Variants in ABL2 observed in about 807,000 individuals in gnomAD.
ABL2 encodes the protein ABL proto-oncogene 2, non-receptor tyrosine kinase, also known as tyrosine-protein kinase ABL2.
ABL2 carries 49 observed loss-of-function variants against 107.7 expected under a neutral mutation model. The ratio of observed to expected loss-of-function variants is 0.45; its 90% CI spans 0.36 to 0.58. The LOEUF (loss-of-function observed/expected upper bound fraction) is 0.58. Among genes scored for constraint, ABL2 ranks in the 20% least tolerant of loss-of-function variants. The pLI is 0.00. For synonymous variants in ABL2, 549 were observed against 548.6 expected (o/e 1.00, Z -0.01); for missense variants, 1,245 against 1,457.0 (o/e 0.85, Z 2.37).
chr1:179,136,098 C>A (rs996662529), intron 1 of ABL2, among the ~76,000 whole-genome samples: 1 of 150,872 alleles, frequency 6.6e-6, no homozygotes, highest in African/African-American at 2.4e-5. Context: ...GGGGGTCAGC[C>A]CCCCGTCCGG....
At chr1:179,215,179 G>T (rs1014408078) in intron 1 of ABL2, among the ~76,000 whole-genome samples, 5 of 151,758 alleles carry the variant, frequency 3.3e-5, no homozygotes, top group African/African-American at 1.2e-4. Context: ...AAAAATTGGG[G>T]AGAAAATTCA....
At chr1:179,171,170 C>T (rs1659694791) in intron 1 of ABL2, among the ~76,000 whole-genome samples, 1 of 152,216 alleles carries the variant, frequency 6.6e-6, no homozygotes, top group African/African-American at 2.4e-5. Flanking sequence ...GGCTGCAGTT[C>T]TGATATGACT....
intron 1 of ABL2, among the ~76,000 whole-genome samples, chr1:179,135,759 C>G (rs1656862476): frequency 6.9e-6 from 1 of 145,526 alleles, no homozygotes; most frequent in African/African-American, 2.5e-5. Context: ...GCCAGCTGCC[C>G]CGTCCGGGAG....
intron 6 of ABL2, among the ~76,000 whole-genome samples, chr1:179,119,741 C>G (rs939394533): frequency 3.9e-5 from 6 of 152,074 alleles, no homozygotes; most frequent in Admixed American, 1.3e-4. Context: ...TGTTTAATGT[C>G]TCTTTATTTT....
At position 179,099,904 on chromosome 1, in the gene ABL2, T is replaced by G. The variant is rs948975812; in HGVS notation, c.*7814A>C. The G allele has an allele frequency of 4.3e-6, 1 of 232,532 alleles. No individual in the cohort carries two copies. Among genetic ancestry groups the G allele is most frequent in the African/African-American group, 2.2e-5 (1 of 45,266 alleles). The allele number at this position is 232,532 out of a possible 1,614,324, so 14.4% of individuals were successfully genotyped here. ...TTCTGAGTATACATCAACAGCTAAG[T>G]CAGCCTGTTCACAGTCAACACACCA... On this transcript the variant is annotated 3_prime_UTR_variant, in exon 12 of 12. Transcript: ENST00000502732.
intron 1 of ABL2, among the ~76,000 whole-genome samples, chr1:179,171,310 T>C (rs1168994041): frequency 6.6e-6 from 1 of 152,198 alleles, no homozygotes; most frequent in Non-Finnish European, 1.5e-5. Flanking sequence ...TAGATACTAA[T>C]GGGAATACAA....
At chr1:179,122,782 T>C (rs1655350726) in intron 4 of ABL2, among the ~76,000 whole-genome samples, 1 of 152,078 alleles carries the variant, frequency 6.6e-6, no homozygotes, top group South Asian at 2.1e-4. Flanking sequence ...GCCTCCCAAG[T>C]ACCTGGGATT....
chr1:179,117,147 T>C, intron 8 of ABL2, 185 bp downstream of exon 8: 2 of 660,598 alleles, frequency 3.0e-6, no homozygotes, highest in Non-Finnish European at 2.5e-6. Context: ...TACTTCTGTT[T>C]ATGCAAAGTT....
chr1:179,190,106 C>T (rs1000039426), intron 1 of ABL2, among the ~76,000 whole-genome samples: 8 of 152,020 alleles, frequency 5.3e-5, no homozygotes, highest in Non-Finnish European at 2.9e-5. Flanking sequence ...CGTGAGCCAC[C>T]GGGCCCAGCC....
chr1:179,193,079 G>T (rs1661106460), intron 1 of ABL2, among the ~76,000 whole-genome samples: 1 of 151,696 alleles, frequency 6.6e-6, no homozygotes, highest in Non-Finnish European at 1.5e-5. Flanking sequence ...TGGTATGATG[G>T]AGAAAATTAT....
intron 1 of ABL2, among the ~76,000 whole-genome samples, chr1:179,164,151 C>G (rs766431292): frequency 1.3e-5 from 2 of 151,956 alleles, no homozygotes; most frequent in Non-Finnish European, 2.9e-5. Flanking sequence ...TTAAAATTCA[C>G]AGAACCGTAC....
intron 8 of ABL2, chr1:179,117,111 A>C: frequency 1.8e-6 from 1 of 553,974 alleles, no homozygotes; most frequent in Non-Finnish European, 3.2e-6. Flanking sequence ...CTGTAATTAC[A>C]AACGTGAGCC....
chr1:179,142,883 G>T, intron 1 of ABL2: 1 of 1,592,456 alleles, frequency 6.3e-7, no homozygotes, highest in South Asian at 1.1e-5. Flanking sequence ...ATTCACACTT[G>T]ATTAATGTGG....
chr1:179,183,038 A>C (rs1426271429), intron 1 of ABL2, among the ~76,000 whole-genome samples: 2 of 152,052 alleles, frequency 1.3e-5, no homozygotes, highest in East Asian at 3.9e-4. Flanking sequence ...TTTTTGAGAC[A>C]GTGTCTCACT....
At chr1:179,117,041 T>C in intron 8 of ABL2, 1 of 392,086 alleles carries the variant, frequency 2.6e-6, no homozygotes, top group South Asian at 2.4e-5. Flanking sequence ...GTTCACCATG[T>C]TGGCCAGGCT....
intron 1 of ABL2, among the ~76,000 whole-genome samples, chr1:179,198,842 CTTT>C (rs554794092): frequency 2.9e-5 from 4 of 137,268 alleles, no homozygotes; most frequent in Non-Finnish European, 1.6e-5. Flanking sequence ...CCAAATTATC[CTTT>C]TTTTTTTTTT....
chr1:179,100,718 A>G lies in ABL2; in HGVS notation c.*7000T>C, dbSNP rs1653025242. On this transcript the variant is annotated 3_prime_UTR_variant, in exon 12 of 12. Coordinates refer to ENST00000502732, the MANE Select transcript of ABL2 (RefSeq NM_007314.4). ...ACCCTGAAAATTTGCTGATGCGAGTACAGTGATGAACAAAGAACCTTCCAG... is the reference window on the plus strand; with the variant it reads ...ACCCTGAAAATTTGCTGATGCGAGTGCAGTGATGAACAAAGAACCTTCCAG... 4.3e-6 allele frequency: 1 copy of G among 230,056 alleles called. No individual in the cohort carries two copies. The highest frequency in any genetic ancestry group is 8.6e-6 in the Non-Finnish European group (1 of 116,098). The allele number at this position is 230,056 out of a possible 1,614,324, so 14.3% of individuals were successfully genotyped here.
intron 1 of ABL2, chr1:179,142,929 A>G (rs1303549907): frequency 3.7e-6 from 6 of 1,613,886 alleles, no homozygotes; most frequent in Non-Finnish European, 5.1e-6. Flanking sequence ...ACTCTGAACC[A>G]TACCTGTTAA....
rs1050321732 is a variant in ABL2 at position 179,229,264 on chromosome 1, C to G, written c.134G>C (p.Gly45Ala). The change falls in exon 1 of 12, where the codon GGC (glycine) becomes GCC (alanine). Residue 45 changes from glycine (G) to alanine (A), a missense_variant. Gly to Ala is a moderately conservative substitution (Grantham distance 60). This residue lies in a region of ABL2 where 164 missense variants were observed against 143.7 expected (regional missense o/e 1.14). Transcript: ENST00000502732. ...ACCATGCTGGGTGAAGATATTGAAG[C>G]CGGTCTCTGTGGTGCGCCCCGCCGG... is the stretch of plus-strand genomic sequence containing the variant. ...RDPAGRTTET[G>A]FNIFTQHDHF... 1.3e-6 allele frequency: 2 copies of G among 1,547,312 alleles called. No individual in the cohort carries two copies. Among genetic ancestry groups the G allele is most frequent in the Non-Finnish European group, 1.7e-6 (2 of 1,147,320 alleles).
Sources: gnomAD v4.1 joint callset for allele counts (sites outside exome capture counted in the v4.1 genomes callset) on GRCh38, gnomAD v4.1.1 for gene constraint, gnomAD v4.1.1 regional missense constraint, MANE v1.5 for transcripts, NCBI Gene and HGNC (gene_info 2026-07-23, HGNC 2026-07-21) for gene names.